AIF1L: variants seen among roughly 807,000 people sequenced by gnomAD.
AIF1L encodes the protein allograft inflammatory factor 1 like, also known as allograft inflammatory factor 1-like.
In AIF1L, 12 loss-of-function variants were observed where a neutral mutation model predicts 20.7. The ratio of observed to expected loss-of-function variants is 0.58; its 90% CI spans 0.37 to 0.94. AIF1L has a LOEUF of 0.94. Ranked by LOEUF, AIF1L falls within the 40% of genes least tolerant of loss-of-function variation. The pLI is 0.01. For synonymous variants in AIF1L, 76 were observed against 65.1 expected, an observed-to-expected ratio of 1.17 and a Z score of -0.81; for missense variants, 173 against 185.3, an observed-to-expected ratio of 0.93 and a Z score of 0.39.
At chr9:131,117,666 G>T (rs1831044141) in intron 4 of AIF1L, 90 bp from the exon 5 acceptor site, 1 of 1,404,666 alleles carries the variant, frequency 7.1e-7, no homozygotes. Flanking sequence ...AAGTTTCTAG[G>T]CGTGGGGTGC....
chr9:131,118,362 G>C (rs1348806537), intron 5 of AIF1L, among the ~76,000 whole-genome samples: 1 of 152,072 alleles, frequency 6.6e-6, no homozygotes. Flanking sequence ...CAAAATGTTA[G>C]GATTATAGGC....
chr9:131,118,980 A>G (rs1478322012), intron 5 of AIF1L, among the ~76,000 whole-genome samples: 1 of 152,252 alleles, frequency 6.6e-6, no homozygotes, highest in South Asian at 2.1e-4. Flanking sequence ...GACCCTGGGC[A>G]AGTTACCTTA....
At chr9:131,102,937 G>T (rs1032849133) in intron 2 of AIF1L, 6 of 456,232 alleles carry the variant, frequency 1.3e-5, no homozygotes, top group Non-Finnish European at 2.6e-5. Flanking sequence ...AGCTGATACA[G>T]AAAGACAAGC....
chr9:131,121,269 T>C lies in AIF1L; in HGVS notation c.*947T>C, dbSNP rs1831132466. The C allele has an allele frequency of 1.7e-6, 1 of 600,360 alleles. No homozygotes were observed. Among genetic ancestry groups the C allele is most frequent in the Non-Finnish European group, 3.1e-6 (1 of 327,348 alleles). The allele number at this position is 600,360 out of a possible 1,614,324, so 37.2% of individuals were successfully genotyped here. On this transcript the variant is annotated 3_prime_UTR_variant, in exon 6 of 6. Transcript: ENST00000247291. ...GCTTCTCTCATTTGTCTTCCTACCC[T>C]ACTCACATAATTCACTCATTGACTC...
chr9:131,108,757 A>G (rs1165275393), intron 2 of AIF1L, among the ~76,000 whole-genome samples: 1 of 152,242 alleles, frequency 6.6e-6, no homozygotes, highest in Non-Finnish European at 1.5e-5. Flanking sequence ...AGAAGAGGCC[A>G]TATTCTGCCT....
chr9:131,102,151 G>C (rs1322927944), intron 2 of AIF1L, among the ~76,000 whole-genome samples: 1 of 152,034 alleles, frequency 6.6e-6, no homozygotes, highest in African/African-American at 2.4e-5. Context: ...GACCTCAAGT[G>C]ATCCACCCGC....
At chr9:131,111,239 A>G (rs542325956) in intron 2 of AIF1L, among the ~76,000 whole-genome samples, 23 of 151,268 alleles carry the variant, frequency 1.5e-4, no homozygotes, top group Non-Finnish European at 2.9e-4. Context: ...TAAGAAGTTA[A>G]TGATGGAACC....
chr9:131,103,132 G>GTT, intron 2 of AIF1L: 1 of 380,992 alleles, frequency 2.6e-6, no homozygotes, highest in South Asian at 1.9e-5. Flanking sequence ...CTCGCTGGAG[G>GTT]CTGGGATGGG....
At chr9:131,105,994 T>A (rs904485187) in intron 2 of AIF1L, among the ~76,000 whole-genome samples, 1 of 152,132 alleles carries the variant, frequency 6.6e-6, no homozygotes, top group Non-Finnish European at 1.5e-5. Flanking sequence ...AATTTTTTAA[T>A]TTTTTGTAGA....
In AIF1L at chr9:131,096,674, TC is replaced by T; in HGVS notation, c.31+18del. 1 of 1,474,588 alleles carries T rather than the reference TC, an allele frequency of 6.8e-7. No homozygotes were observed. 91.3% of individuals were successfully genotyped at this position (1,474,588 alleles called of 1,614,324 possible). On this transcript the variant is annotated intron_variant, in intron 1 of 5. Transcript: ENST00000247291. ...ACAGGTTCCAAGGTAGGCGCCGCCG[TC>T]CCCGAGCAGCCACCTGTGCGCGCCG... is the stretch of plus-strand genomic sequence containing the variant.
In AIF1L at chr9:131,111,814, G is replaced by A. The variant is rs1163084676; in HGVS notation, c.160+151G>A. On this transcript the variant is annotated intron_variant, in intron 3 of 5. Transcript: ENST00000247291. Reference sequence around the variant, plus strand: ...CTTCCTGGAGAAGGCTTGGAGACAGGGACCCCCTGAGAGGTGGGGAGAGGC... The same window carrying A: ...CTTCCTGGAGAAGGCTTGGAGACAGAGACCCCCTGAGAGGTGGGGAGAGGC... The A allele has an allele frequency of 9.8e-6, 8 of 813,520 alleles. No individual in the cohort carries two copies. In the Admixed American group the frequency reaches 1.9e-4, roughly 20 times the overall value. The allele number at this position is 813,520 out of a possible 1,614,324, so 50.4% of individuals were successfully genotyped here.
chr9:131,119,061 G>T (rs10121805), intron 5 of AIF1L, among the ~76,000 whole-genome samples: 20,872 of 152,244 alleles, frequency 0.14, 2,276 homozygotes, highest in African/African-American at 0.31. Flanking sequence ...TGTCCTGAGG[G>T]CTAGTGAAAT....
chr9:131,105,747 G>GT (rs1467863735), intron 2 of AIF1L, among the ~76,000 whole-genome samples: 1 of 152,082 alleles, frequency 6.6e-6, no homozygotes, highest in Admixed American at 6.6e-5. Flanking sequence ...CTGCCTGATC[G>GT]TTGCAGGGGT....
At chr9:131,117,567 A>C (rs932419956) in intron 4 of AIF1L, among the ~76,000 whole-genome samples, 189 bp from the exon 5 acceptor site, 2 of 152,196 alleles carry the variant, frequency 1.3e-5, no homozygotes, top group African/African-American at 4.8e-5. Context: ...CTAGAAGCCC[A>C]GGTCACTAAC....
chr9:131,100,299 G>A (rs760429373), intron 2 of AIF1L, among the ~76,000 whole-genome samples: 9 of 152,202 alleles, frequency 5.9e-5, no homozygotes, highest in East Asian at 1.9e-4. Flanking sequence ...TGGGGGAGCC[G>A]CATGAAAATG....
At chr9:131,099,181 C>A (rs1273535811) in intron 2 of AIF1L, among the ~76,000 whole-genome samples, 3 of 152,222 alleles carry the variant, frequency 2.0e-5, no homozygotes, top group Non-Finnish European at 4.4e-5. Context: ...AGGACAGTTT[C>A]TTTGTTCGTG....
chr9:131,106,081 A>G, intron 2 of AIF1L: 1 of 1,306,686 alleles, frequency 7.7e-7, no homozygotes, highest in South Asian at 1.4e-5. Flanking sequence ...GGGCTCCTCA[A>G]CAGATGTTTA....
intron 2 of AIF1L, among the ~76,000 whole-genome samples, chr9:131,102,661 C>T (rs191363084): frequency 1.1e-3 from 161 of 152,314 alleles, no homozygotes; most frequent in African/African-American, 3.8e-3. Context: ...GGCGAGGATG[C>T]GGCATCTGAA....
intron 3 of AIF1L, chr9:131,114,279 TG>T (rs1311634394): frequency 1.8e-5 from 7 of 379,520 alleles, no homozygotes; most frequent in Non-Finnish European, 3.5e-5. Flanking sequence ...CAGATGCAGC[TG>T]GTCTGTGCTG....
Sources: allele counts gnomAD v4.1 joint callset (sites outside exome capture counted in the v4.1 genomes callset), GRCh38; gene constraint gnomAD v4.1.1; transcripts MANE v1.5; gene names NCBI Gene and HGNC (gene_info 2026-07-23, HGNC 2026-07-21).